The following MYRIP variants were observed in gnomAD, a reference collection of about 807,000 sequenced individuals.
MYRIP encodes the protein rab effector MyRIP.
A neutral mutation model predicts 98.0 loss-of-function variants in MYRIP; 49 were observed. The observed-to-expected ratio is 0.50, with a 90% confidence interval of 0.40 to 0.63. The LOEUF (loss-of-function observed/expected upper bound fraction) is 0.63. Ranked by LOEUF, MYRIP falls within the 30% of genes least tolerant of loss-of-function variation. The probability of loss-of-function intolerance (pLI) is 0.00; values close to 1 mark genes in which losing one functional copy is unlikely to be tolerated. For missense variants in MYRIP, 1,004 were observed against 1,058.2 expected (o/e 0.95, Z 0.71); for synonymous variants, 404 against 409.5 (o/e 0.99, Z 0.16).
chr3:40,225,791 C>G (rs1033100875), intron 11 of MYRIP, among the ~76,000 whole-genome samples: 3 of 152,216 alleles, frequency 2.0e-5, no homozygotes, highest in African/African-American at 7.2e-5. Flanking sequence ...AAGAGTCTCT[C>G]GCGAACAACA....
At chr3:40,022,692 T>G (rs1250758873) in intron 2 of MYRIP, among the ~76,000 whole-genome samples, 2 of 152,016 alleles carry the variant, frequency 1.3e-5, no homozygotes, top group African/African-American at 4.8e-5. Context: ...GAAGGTGCCA[T>G]TAAGGGTATT....
At chr3:40,031,620 T>G (rs1210727507) in intron 2 of MYRIP, among the ~76,000 whole-genome samples, 1 of 152,082 alleles carries the variant, frequency 6.6e-6, no homozygotes, top group Non-Finnish European at 1.5e-5. Context: ...ACAAAAAAAG[T>G]TTCTTTACCT....
intron 3 of MYRIP, among the ~76,000 whole-genome samples, chr3:40,048,187 T>C (rs78766083): frequency 0.085 from 12,938 of 152,230 alleles, 624 homozygotes; most frequent in East Asian, 0.22. Context: ...GAAATCTCAA[T>C]AGTTGATAGT....
At chr3:40,127,764 G>A (rs1000920756) in intron 3 of MYRIP, among the ~76,000 whole-genome samples, 2 of 152,144 alleles carry the variant, frequency 1.3e-5, no homozygotes, top group East Asian at 1.9e-4. Context: ...CTACAGACAC[G>A]GTACAGCGTA....
intron 3 of MYRIP, among the ~76,000 whole-genome samples, chr3:40,131,980 A>G (rs370117373): frequency 2.6e-5 from 4 of 152,308 alleles, no homozygotes; most frequent in African/African-American, 9.6e-5. Flanking sequence ...TCCATGTAGA[A>G]AAGACTTCTT....
intron 3 of MYRIP, among the ~76,000 whole-genome samples, chr3:40,130,379 C>CT (rs1174112413): frequency 0.13 from 17,415 of 139,188 alleles, 1,432 homozygotes; most frequent in East Asian, 0.26. Flanking sequence ...GTCCAAATTT[C>CT]TTTTTTTTTT....
At chr3:39,995,790 G>C (rs1946335464) in intron 2 of MYRIP, among the ~76,000 whole-genome samples, 1 of 152,182 alleles carries the variant, frequency 6.6e-6, no homozygotes, top group Admixed American at 6.5e-5. Flanking sequence ...CAGAGAGAAA[G>C]GTCGGGTTAC....
chr3:39,994,604 C>A (rs557474067), intron 2 of MYRIP, among the ~76,000 whole-genome samples: 2 of 152,256 alleles, frequency 1.3e-5, no homozygotes, highest in South Asian at 4.1e-4. Context: ...TAGACTCCAC[C>A]TCTGGGGGCA....
At chr3:39,816,576 T>G (rs1940924209) in intron 1 of MYRIP, among the ~76,000 whole-genome samples, 3 of 152,186 alleles carry the variant, frequency 2.0e-5, no homozygotes. Flanking sequence ...TTATCATAAT[T>G]ATACAATGTA....
chr3:40,007,633 C>A (rs1946663348), intron 2 of MYRIP, among the ~76,000 whole-genome samples: 1 of 152,210 alleles, frequency 6.6e-6, no homozygotes, highest in Non-Finnish European at 1.5e-5. Context: ...GAGCAGACTA[C>A]AGTGGGTTCT....
chr3:39,831,314 C>T (rs1051108633), intron 1 of MYRIP, among the ~76,000 whole-genome samples: 3 of 152,092 alleles, frequency 2.0e-5, no homozygotes, highest in African/African-American at 7.2e-5. Context: ...TCCTGAACTC[C>T]TTGAATGACC....
At chr3:39,923,329 A>G (rs550607288) in intron 2 of MYRIP, among the ~76,000 whole-genome samples, 60 of 152,274 alleles carry the variant, frequency 3.9e-4, no homozygotes, top group African/African-American at 1.3e-3. Flanking sequence ...GACACAAACA[A>G]ACAAACAAAA....
At chr3:40,163,024 G>A in intron 5 of MYRIP, 1 of 463,838 alleles carries the variant, frequency 2.2e-6, no homozygotes, top group Non-Finnish European at 3.9e-6. Context: ...CAAGAGAACA[G>A]CATTCGTTAC....
intron 7 of MYRIP, among the ~76,000 whole-genome samples, chr3:40,168,700 C>T (rs1251020454): frequency 2.6e-5 from 4 of 152,210 alleles, no homozygotes; most frequent in African/African-American, 9.6e-5. Flanking sequence ...GACAGGAGCA[C>T]AAGCCAGCAA....
At chr3:40,014,382 TC>T (rs1946818649) in intron 2 of MYRIP, among the ~76,000 whole-genome samples, 1 of 152,202 alleles carries the variant, frequency 6.6e-6, no homozygotes, top group East Asian at 1.9e-4. Context: ...TTTCTTTGAC[TC>T]CCATCTTTCA....
At chr3:40,032,590 AC>A (rs1947285618) in intron 2 of MYRIP, among the ~76,000 whole-genome samples, 1 of 152,132 alleles carries the variant, frequency 6.6e-6, no homozygotes, top group Non-Finnish European at 1.5e-5. Flanking sequence ...TAGCTTACCA[AC>A]CAAAAAGAGT....
At chr3:39,886,055 T>C (rs1943294255) in intron 1 of MYRIP, among the ~76,000 whole-genome samples, 1 of 152,154 alleles carries the variant, frequency 6.6e-6, no homozygotes, top group South Asian at 2.1e-4. Context: ...TGCGTTCCAA[T>C]TTTCAACCCA....
chr3:40,140,332 G>T (rs942971116), intron 3 of MYRIP, among the ~76,000 whole-genome samples: 2 of 152,192 alleles, frequency 1.3e-5, no homozygotes, highest in Admixed American at 1.3e-4. Flanking sequence ...AGCCATTCTT[G>T]TATATACCAC....
intron 1 of MYRIP, among the ~76,000 whole-genome samples, chr3:39,835,054 T>C (rs1450887155): frequency 6.6e-6 from 1 of 152,150 alleles, no homozygotes; most frequent in Non-Finnish European, 1.5e-5. Flanking sequence ...TCAATAAGAA[T>C]GGATGAATTC....
Sources: allele counts gnomAD v4.1 joint callset (sites outside exome capture counted in the v4.1 genomes callset), GRCh38; gene constraint gnomAD v4.1.1; transcripts MANE v1.5; gene names NCBI Gene and HGNC (gene_info 2026-07-23, HGNC 2026-07-21).